CDH12: variants seen among roughly 807,000 people sequenced by gnomAD.
CDH12 encodes cadherin-12.
In CDH12, 41 loss-of-function variants were observed where a neutral mutation model predicts 74.1. The observed-to-expected ratio is 0.55, with a 90% CI of 0.43 to 0.72. The LOEUF (loss-of-function observed/expected upper bound fraction) is 0.72, where lower values mean the gene tolerates loss of function less well. Among genes scored for constraint, CDH12 ranks in the 30% least tolerant of loss-of-function variants. The probability of loss-of-function intolerance (pLI) is 0.00; values close to 1 mark genes in which losing one functional copy is unlikely to be tolerated. For synonymous variants in CDH12, 399 were observed against 355.0 expected, an observed-to-expected ratio of 1.12 and a Z score of -1.39; for missense variants, 945 against 977.2, an observed-to-expected ratio of 0.97 and a Z score of 0.44.
At chr5:22,217,188 T>TA (rs1167245498) in intron 3 of CDH12, among the ~76,000 whole-genome samples, 1 of 151,776 alleles carries the variant, frequency 6.6e-6, no homozygotes, top group Non-Finnish European at 1.5e-5. Flanking sequence ...TGGAGTAGAT[T>TA]AAAAAATTGC....
chr5:22,055,607 C>T (rs531906956), intron 5 of CDH12, among the ~76,000 whole-genome samples: 99 of 152,142 alleles, frequency 6.5e-4, no homozygotes, highest in African/African-American at 2.1e-3. Flanking sequence ...GGATTATTCC[C>T]ATGCTCAGTT....
intron 4 of CDH12, among the ~76,000 whole-genome samples, chr5:22,210,478 T>G (rs1438483331): frequency 6.7e-6 from 1 of 150,084 alleles, no homozygotes; most frequent in Non-Finnish European, 1.5e-5. Flanking sequence ...GCAATTGCAT[T>G]TTTAATTTTT....
intron 1 of CDH12, among the ~76,000 whole-genome samples, chr5:22,572,529 C>T (rs1250963786): frequency 6.6e-6 from 1 of 150,536 alleles, no homozygotes; most frequent in Non-Finnish European, 1.5e-5. Flanking sequence ...TTTTTTTTTT[C>T]AGACAGTAAG....
intron 2 of CDH12, among the ~76,000 whole-genome samples, chr5:22,489,121 G>A (rs1393397854): frequency 8.3e-5 from 9 of 108,250 alleles, no homozygotes; most frequent in African/African-American, 2.2e-4. Context: ...GCAGTGGCAC[G>A]ATCTCGGCTC....
At chr5:22,669,450 C>A (rs553937392) in intron 1 of CDH12, among the ~76,000 whole-genome samples, 1 of 152,104 alleles carries the variant, frequency 6.6e-6, no homozygotes, top group Non-Finnish European at 1.5e-5. Flanking sequence ...CATATTCTCC[C>A]CTTCTTGCTT....
At chr5:22,487,863 C>T (rs1311612676) in intron 2 of CDH12, among the ~76,000 whole-genome samples, 1 of 152,196 alleles carries the variant, frequency 6.6e-6, no homozygotes, top group Non-Finnish European at 1.5e-5. Flanking sequence ...GCATGCAATT[C>T]TGCATACTAA....
At chr5:21,908,980 G>A (rs989816460) in intron 6 of CDH12, among the ~76,000 whole-genome samples, 1 of 152,166 alleles carries the variant, frequency 6.6e-6, no homozygotes, top group Non-Finnish European at 1.5e-5. Flanking sequence ...GTATTCTGGA[G>A]CTCAGTATTT....
chr5:22,657,015 T>A (rs933380909), intron 1 of CDH12, among the ~76,000 whole-genome samples: 1 of 152,116 alleles, frequency 6.6e-6, no homozygotes, highest in African/African-American at 2.4e-5. Flanking sequence ...CCCAAAATGC[T>A]GGCTTTACAG....
intron 1 of CDH12, among the ~76,000 whole-genome samples, chr5:22,550,585 AC>A (rs573788840): frequency 2.0e-5 from 3 of 152,172 alleles, no homozygotes; most frequent in Non-Finnish European, 4.4e-5. Context: ...AGAATTGACT[AC>A]CTAATAGCTT....
intron 3 of CDH12, among the ~76,000 whole-genome samples, chr5:22,350,265 T>C (rs973382825): frequency 1.3e-5 from 2 of 152,174 alleles, no homozygotes; most frequent in Non-Finnish European, 2.9e-5. Context: ...GCAGTGAAAA[T>C]ACTTAATGAT....
At chr5:21,855,628 ATATG>A (rs1424881872) in intron 6 of CDH12, among the ~76,000 whole-genome samples, 1 of 151,616 alleles carries the variant, frequency 6.6e-6, no homozygotes, top group African/African-American at 2.4e-5. Flanking sequence ...ACATATATAT[ATATG>A]TATGTGTATA....
At chr5:22,558,509 G>T (rs151269355) in intron 1 of CDH12, among the ~76,000 whole-genome samples, 1 of 152,086 alleles carries the variant, frequency 6.6e-6, no homozygotes, top group Non-Finnish European at 1.5e-5. Context: ...AGTGAACTTT[G>T]CAGGGGACAA....
chr5:21,757,678 G>A (rs1232348229), intron 13 of CDH12, among the ~76,000 whole-genome samples: 1 of 152,172 alleles, frequency 6.6e-6, no homozygotes, highest in East Asian at 1.9e-4. Flanking sequence ...TCTGCTATAA[G>A]TCAGTATCAT....
intron 3 of CDH12, among the ~76,000 whole-genome samples, chr5:22,220,212 A>G (rs1751964074): frequency 6.6e-6 from 1 of 151,770 alleles, no homozygotes; most frequent in Non-Finnish European, 1.5e-5. Context: ...AAGTGTTTGT[A>G]CATGCGTATG....
intron 2 of CDH12, among the ~76,000 whole-genome samples, chr5:22,470,597 T>A (rs980625862): frequency 2.0e-5 from 3 of 151,862 alleles, no homozygotes; most frequent in Non-Finnish European, 4.4e-5. Flanking sequence ...TTTTAAAAAA[T>A]TTTTGTAGAG....
At chr5:22,808,458 T>G (rs2126440166) in intron 1 of CDH12, among the ~76,000 whole-genome samples, 1 of 152,260 alleles carries the variant, frequency 6.6e-6, no homozygotes, top group South Asian at 2.1e-4. Flanking sequence ...AAATGAGAAT[T>G]TAATGGACGT....
At chr5:21,975,008 A>G in intron 6 of CDH12, 83 bp downstream of exon 6, 1 of 811,636 alleles carries the variant, frequency 1.2e-6, no homozygotes, top group East Asian at 2.5e-5. Flanking sequence ...TAGATGATAG[A>G]TAAGATGTTT....
At chr5:22,006,396 C>A (rs1580102163) in intron 5 of CDH12, among the ~76,000 whole-genome samples, 1 of 151,840 alleles carries the variant, frequency 6.6e-6, no homozygotes, top group South Asian at 2.1e-4. Context: ...CTTATTAATA[C>A]ACCTAAATAT....
chr5:22,181,427 A>G (rs960526839), intron 4 of CDH12, among the ~76,000 whole-genome samples: 1 of 152,128 alleles, frequency 6.6e-6, no homozygotes, highest in African/African-American at 2.4e-5. Context: ...GAAACATAAA[A>G]TACTGAAATT....
Sources: allele counts gnomAD v4.1 joint callset (sites outside exome capture counted in the v4.1 genomes callset), GRCh38; gene constraint gnomAD v4.1.1; transcripts MANE v1.5; gene names NCBI Gene and HGNC (gene_info 2026-07-23, HGNC 2026-07-21).